The following STK40 variants were observed in gnomAD, a reference collection of about 807,000 sequenced individuals.
STK40 encodes the protein serine/threonine kinase 40, also known as serine/threonine-protein kinase 40.
A neutral mutation model predicts 47.9 loss-of-function variants in STK40; 13 were observed. That is an observed-to-expected ratio of 0.27 (90% CI 0.18 to 0.43). STK40 has a LOEUF of 0.43. Among genes scored for constraint, STK40 ranks in the 20% least tolerant of loss-of-function variants. The pLI, the probability that STK40 is intolerant of heterozygous loss-of-function variation, is 1.00. For synonymous variants in STK40, 225 were observed against 243.2 expected (o/e 0.93, Z 0.69); for missense variants, 460 against 595.1 (o/e 0.77, Z 2.36).
At chr1:36,385,405 T>A (rs908774258) in intron 1 of STK40, among the ~76,000 whole-genome samples, 51 of 152,174 alleles carry the variant, frequency 3.4e-4, no homozygotes, top group Admixed American at 9.8e-4. Flanking sequence ...TTTGGAAAGA[T>A]CTGGCTGGAT....
intron 7 of STK40, among the ~76,000 whole-genome samples, chr1:36,347,400 G>A (rs992025585): frequency 9.9e-5 from 15 of 151,946 alleles, no homozygotes; most frequent in African/African-American, 3.6e-4. Flanking sequence ...AGAGTTGCGA[G>A]AATGGGCTTT....
At chr1:36,358,157 C>T (rs1646820765) in intron 4 of STK40, 82 bp downstream of exon 4, 4 of 1,461,178 alleles carry the variant, frequency 2.7e-6, no homozygotes, top group South Asian at 1.5e-5. Flanking sequence ...GTGAGCTGCT[C>T]GTATGGCTGT....
chr1:36,377,288 C>T (rs1029587150), intron 1 of STK40, among the ~76,000 whole-genome samples: 3 of 151,796 alleles, frequency 2.0e-5, no homozygotes, highest in Non-Finnish European at 4.4e-5. Context: ...GTAATCCCAG[C>T]ACTTTGGGAG....
chr1:36,361,774 T>C (rs1646854517), intron 1 of STK40, among the ~76,000 whole-genome samples: 1 of 151,888 alleles, frequency 6.6e-6, no homozygotes, highest in Non-Finnish European at 1.5e-5. Flanking sequence ...GCCCTCCAAA[T>C]ACCTACAGCC....
intron 1 of STK40, among the ~76,000 whole-genome samples, chr1:36,373,151 C>A (rs1449703667): frequency 1.3e-5 from 2 of 152,194 alleles, no homozygotes; most frequent in Non-Finnish European, 2.9e-5. Context: ...TCAGTTTCCT[C>A]ATCTGTAAAA....
At chr1:36,353,716 G>A (rs1646778839) in intron 6 of STK40, among the ~76,000 whole-genome samples, 1 of 152,224 alleles carries the variant, frequency 6.6e-6, no homozygotes, top group African/African-American at 2.4e-5. Context: ...CGGGCCATCT[G>A]CAGGCCATCC....
At chr1:36,361,125 A>C in intron 2 of STK40, 96 bp downstream of exon 2, 1 of 1,456,014 alleles carries the variant, frequency 6.9e-7, no homozygotes, top group Non-Finnish European at 9.4e-7. Context: ...TGGGTGGGCC[A>C]CCTCACTCTG....
Position 36,341,932 on chromosome 1 carries a change from G to T in STK40, c.1131C>A (p.Asn377Lys). The change falls in exon 11 of 11, where the codon AAC becomes AAA. Residue 377 changes from asparagine to lysine, a missense_variant. Coordinates refer to ENST00000373132, the MANE Select transcript of STK40 (RefSeq NM_001282547.2). ...TEECSQYEFE[N>K]YMRQQLLLAE... ...CCAGCAGCAGCTGCTGACGCATGTAGTTCTCAAACTCGTACTGGGAGCACT... is the reference window on the plus strand; with the variant it reads ...CCAGCAGCAGCTGCTGACGCATGTATTTCTCAAACTCGTACTGGGAGCACT... The T allele has an allele frequency of 1.2e-6, 2 of 1,614,038 alleles. No homozygotes were observed. Among genetic ancestry groups the T allele is most frequent in the Non-Finnish European group, 1.7e-6 (2 of 1,179,944 alleles).
chr1:36,347,738 C>T (rs932619089), intron 7 of STK40, among the ~76,000 whole-genome samples: 13 of 151,836 alleles, frequency 8.6e-5, no homozygotes, highest in Non-Finnish European at 1.9e-4. Flanking sequence ...CTGCAACCTC[C>T]ACCTCCTGGG....
chr1:36,342,938 C>T (rs1227005835), intron 10 of STK40: 1 of 527,878 alleles, frequency 1.9e-6, no homozygotes, highest in Non-Finnish European at 3.4e-6. Context: ...TCTCTGCCCC[C>T]ACCCTAGGCC....
chr1:36,358,674 G>A, intron 3 of STK40, 63 bp downstream of exon 3: 1 of 1,542,322 alleles, frequency 6.5e-7, no homozygotes, highest in African/African-American at 1.4e-5. Flanking sequence ...GTGGAGGAGG[G>A]AGGAGTGGGT....
intron 1 of STK40, chr1:36,362,482 T>G (rs1214394482): frequency 6.6e-6 from 1 of 152,204 alleles, no homozygotes; most frequent in Non-Finnish European, 1.5e-5. Context: ...CAACGCCAGG[T>G]AGTTTGTGTT....
At chr1:36,385,193 C>A (rs1233202052) in intron 1 of STK40, among the ~76,000 whole-genome samples, 1 of 152,200 alleles carries the variant, frequency 6.6e-6, no homozygotes, top group Admixed American at 6.5e-5. Flanking sequence ...AAAGGCCGGC[C>A]AAACGTGGCC....
At chr1:36,366,836 CTTT>C (rs1170166317) in intron 1 of STK40, among the ~76,000 whole-genome samples, 8 of 139,048 alleles carry the variant, frequency 5.8e-5, no homozygotes, top group Admixed American at 1.5e-4. Context: ...TCTTCTTCTT[CTTT>C]TTTTTTTTTT....
At position 36,358,323 on chromosome 1, in the gene STK40, G is replaced by A. The variant is rs754611894; in HGVS notation, c.258C>T (p.Gly86=). ...QGIESQEERQ[G]KMLLHTEYSL... is the part of the protein sequence containing the mutation. ...AGTACTCGGTGTGCAGCAGCATCTT[G>A]CCCTGCCGCTCTTCCTGGCTCTCTA... Residue 86 remains glycine (G), a synonymous_variant, in exon 4 of 11, where the codon GGC becomes GGT. Coordinates refer to ENST00000373132, the MANE Select transcript of STK40 (RefSeq NM_001282547.2). 5.6e-6 allele frequency: 9 copies of A among 1,609,958 alleles called. No individual in the cohort carries two copies. The highest frequency in any genetic ancestry group is 1.7e-5 in the Admixed American group (1 of 59,968).
chr1:36,378,360 T>C (rs1647009580), intron 1 of STK40, among the ~76,000 whole-genome samples: 1 of 152,200 alleles, frequency 6.6e-6, no homozygotes, highest in Admixed American at 6.5e-5. Flanking sequence ...TTTACCCCGC[T>C]CTGAGCCTGA....
chr1:36,344,002 A>G (rs1267366541), intron 8 of STK40, 23 bp from the exon 9 acceptor site: 6 of 1,597,472 alleles, frequency 3.8e-6, no homozygotes, highest in Admixed American at 1.7e-5. Flanking sequence ...GTTGGGGAGG[A>G]GGGCTCAGTG....
At chr1:36,353,818 C>T (rs2124732792) in intron 6 of STK40, among the ~76,000 whole-genome samples, 1 of 152,346 alleles carries the variant, frequency 6.6e-6, no homozygotes, top group African/African-American at 2.4e-5. Context: ...ACCCTGAGAG[C>T]ACTTCACAGT....
chr1:36,369,254 T>C (rs1215260308), intron 1 of STK40, among the ~76,000 whole-genome samples: 5 of 152,120 alleles, frequency 3.3e-5, no homozygotes, highest in South Asian at 2.1e-4. Flanking sequence ...CTGCACCAGG[T>C]GCAGGATGGT....
Sources: gnomAD v4.1 joint callset for allele counts (sites outside exome capture counted in the v4.1 genomes callset) on GRCh38, gnomAD v4.1.1 for gene constraint, MANE v1.5 for transcripts, NCBI Gene and HGNC (gene_info 2026-07-23, HGNC 2026-07-21) for gene names.